HPSE2: variants seen among roughly 807,000 people sequenced by gnomAD.
HPSE2 encodes the protein inactive heparanase-2.
A neutral mutation model predicts 60.5 loss-of-function variants in HPSE2; 38 were observed. The ratio of observed to expected loss-of-function variants is 0.63; its 90% CI spans 0.48 to 0.82. The LOEUF is 0.82. Among genes scored for constraint, HPSE2 ranks in the 40% least tolerant of loss-of-function variants. The probability of loss-of-function intolerance (pLI) is 0.00; values close to 1 mark genes in which losing one functional copy is unlikely to be tolerated. For missense variants in HPSE2, 713 were observed against 740.4 expected (o/e 0.96, Z 0.43); for synonymous variants, 295 against 293.2 (o/e 1.01, Z -0.06).
At chr10:99,132,588 G>C (rs1396141252) in intron 3 of HPSE2, among the ~76,000 whole-genome samples, 1 of 152,120 alleles carries the variant, frequency 6.6e-6, no homozygotes, top group African/African-American at 2.4e-5. Context: ...GCAGCCCATG[G>C]AGAGCAAGAC....
Position 98,929,959 on chromosome 10 carries a change from C to G in HPSE2, c.611-185903G>C, listed in dbSNP as rs190050906. ...GTTTTATTGGCTATTGGCCTCTAGCCATGATCTCTTGTATATGAGTGCTTT... is the reference window on the plus strand; with the variant it reads ...GTTTTATTGGCTATTGGCCTCTAGCGATGATCTCTTGTATATGAGTGCTTT... On this transcript the variant is annotated intron_variant, in intron 3 of 11. Coordinates refer to ENST00000370552, the MANE Select transcript of HPSE2 (RefSeq NM_021828.5). Among the ~76,000 whole-genome samples the G allele has an allele frequency of 1.4e-3, 207 of 143,726 alleles. 47 individuals are homozygous for G. Among genetic ancestry groups the G allele is most frequent in the African/African-American group, 5.7e-3 (203 of 35,384 alleles). 94.3% of individuals were successfully genotyped at this position (143,726 alleles called of 152,430 possible).
intron 3 of HPSE2, among the ~76,000 whole-genome samples, chr10:98,960,730 T>TTTTTTG (rs1955647062): frequency 4.0e-5 from 1 of 24,796 alleles, no homozygotes; most frequent in Non-Finnish European, 9.1e-5. Flanking sequence ...TGTTTTATTT[T>TTTTTTG]TTTTATTTTA....
intron 9 of HPSE2, among the ~76,000 whole-genome samples, chr10:98,595,077 T>C (rs903474463): frequency 9.2e-5 from 14 of 152,094 alleles, no homozygotes; most frequent in Non-Finnish European, 1.8e-4. Flanking sequence ...ATTTTTTTCA[T>C]CAATGTTTTA....
intron 6 of HPSE2, among the ~76,000 whole-genome samples, chr10:98,646,305 TTC>T (rs1454402510): frequency 2.4e-5 from 3 of 124,204 alleles, no homozygotes; most frequent in Non-Finnish European, 5.0e-5. Context: ...TAATGGTGAT[TTC>T]TTTTTTTCTT....
At chr10:99,152,310 CAAAAAAA>C (rs1004063463) in intron 2 of HPSE2, among the ~76,000 whole-genome samples, 2 of 54,042 alleles carry the variant, frequency 3.7e-5, no homozygotes, top group African/African-American at 1.2e-4. Flanking sequence ...GACTCCACCT[CAAAAAAA>C]AAAAAAAAAA....
intron 11 of HPSE2, among the ~76,000 whole-genome samples, chr10:98,467,030 G>A (rs1279084989): frequency 1.3e-5 from 2 of 151,894 alleles, no homozygotes; most frequent in Admixed American, 6.6e-5. Flanking sequence ...ATCTAATCGC[G>A]GCCTAAGCAC....
intron 3 of HPSE2, among the ~76,000 whole-genome samples, chr10:99,122,695 G>A (rs545749480): frequency 4.6e-5 from 7 of 152,120 alleles, no homozygotes; most frequent in African/African-American, 1.7e-4. Flanking sequence ...ATTTTCTTAA[G>A]TGGAAGACAA....
chr10:98,985,522 A>G (rs1956320635), intron 3 of HPSE2, among the ~76,000 whole-genome samples: 1 of 152,236 alleles, frequency 6.6e-6, no homozygotes, highest in South Asian at 2.1e-4. Flanking sequence ...AACCAGTACC[A>G]GCCACTGCAA....
intron 2 of HPSE2, among the ~76,000 whole-genome samples, chr10:99,150,538 C>T (rs1017332494): frequency 6.6e-5 from 10 of 152,176 alleles, no homozygotes; most frequent in Non-Finnish European, 1.5e-4. Context: ...CTAGGCTGGT[C>T]TCAAACTCCT....
chr10:98,620,569 G>T (rs1362201163), intron 8 of HPSE2, 33 bp downstream of exon 8: 2 of 1,496,582 alleles, frequency 1.3e-6, no homozygotes, highest in South Asian at 1.1e-5. Flanking sequence ...CCTCCTGAAA[G>T]CCCCTGGGGG....
chr10:98,647,626 C>T (rs1225873096), intron 6 of HPSE2, among the ~76,000 whole-genome samples: 3 of 152,144 alleles, frequency 2.0e-5, no homozygotes, highest in Non-Finnish European at 4.4e-5. Flanking sequence ...TCTGCCGCCT[C>T]GAAGCAAACA....
At chr10:99,105,150 G>C (rs1023163309) in intron 3 of HPSE2, among the ~76,000 whole-genome samples, 4 of 151,298 alleles carry the variant, frequency 2.6e-5, no homozygotes, top group African/African-American at 9.7e-5. Flanking sequence ...TATTGCTACA[G>C]TTTTTCATCC....
At chr10:99,294,387 TAATATATAATATATA>T in the HPSE2 span, among the ~76,000 whole-genome samples, 3 of 146,784 alleles carry the variant, frequency 2.0e-5, no homozygotes, top group Admixed American at 6.9e-5. Context: ...CATACATATA[TAATATATAATATATA>T]AATATATAAT....
the HPSE2 span, among the ~76,000 whole-genome samples, chr10:99,249,064 AG>A: frequency 2.6e-5 from 4 of 152,216 alleles, no homozygotes; most frequent in South Asian, 8.3e-4. Context: ...AACCTCTACC[AG>A]GATAGTGTGG....
intron 3 of HPSE2, among the ~76,000 whole-genome samples, chr10:98,791,309 G>A (rs535013177): frequency 3.9e-4 from 59 of 152,230 alleles, no homozygotes; most frequent in Middle Eastern, 3.4e-3. Context: ...CTTAACAAAA[G>A]GCTGTTAGAT....
At chr10:99,017,076 GT>G (rs1957159730) in intron 3 of HPSE2, among the ~76,000 whole-genome samples, 1 of 152,140 alleles carries the variant, frequency 6.6e-6, no homozygotes, top group South Asian at 2.1e-4. Context: ...TTGAGTAGGA[GT>G]GGTGAGAGAG....
chr10:99,159,547 T>C (rs1012543446), intron 2 of HPSE2, among the ~76,000 whole-genome samples: 1 of 152,170 alleles, frequency 6.6e-6, no homozygotes, highest in Non-Finnish European at 1.5e-5. Flanking sequence ...AGTCTGTAGC[T>C]TACTTAACTT....
chr10:98,860,839 C>A (rs1300918137), intron 3 of HPSE2, among the ~76,000 whole-genome samples: 1 of 151,972 alleles, frequency 6.6e-6, no homozygotes, highest in Non-Finnish European at 1.5e-5. Context: ...TTTTATGAGC[C>A]CTCTATTTGT....
Position 98,484,183 on chromosome 10 carries a change from T to TCTTC in HPSE2, c.1467-1405_1467-1402dup, listed in dbSNP as rs373885332. Among the ~76,000 whole-genome samples the TCTTC allele has an allele frequency of 5.4e-3, 824 of 152,104 alleles. 6 individuals are homozygous for TCTTC. The highest frequency in any genetic ancestry group is 0.019 in the African/African-American group (779 of 41,512). On this transcript the variant is annotated intron_variant, in intron 10 of 11. Coordinates refer to ENST00000370552, the MANE Select transcript of HPSE2 (RefSeq NM_021828.5). ...TGTCCTTTGCCTGCCTGCCTTCCTT[T>TCTTC]CTTCCTTCCTTCCTTCCTTCTTTTT...
Sources: allele counts gnomAD v4.1 joint callset (sites outside exome capture counted in the v4.1 genomes callset), GRCh38; gene constraint gnomAD v4.1.1; transcripts MANE v1.5; gene names NCBI Gene and HGNC (gene_info 2026-07-23, HGNC 2026-07-21).